Variants in SHC4 observed in about 807,000 individuals in gnomAD.
SHC4 encodes SHC-transforming protein 4.
In SHC4, 41 loss-of-function variants were observed where a neutral mutation model predicts 69.4. The observed-to-expected ratio is 0.59, with a 90% CI of 0.46 to 0.77. The LOEUF (loss-of-function observed/expected upper bound fraction) is 0.77. Among genes scored for constraint, SHC4 ranks in the 30% least tolerant of loss-of-function variants. The probability of loss-of-function intolerance (pLI) is 0.00; values close to 1 mark genes in which losing one functional copy is unlikely to be tolerated. For missense variants in SHC4, 777 were observed against 783.8 expected (o/e 0.99, Z 0.10); for synonymous variants, 318 against 299.3 (o/e 1.06, Z -0.64).
chr15:48,886,070 A>G (rs1900030408), intron 3 of SHC4, among the ~76,000 whole-genome samples: 1 of 152,144 alleles, frequency 6.6e-6, no homozygotes, highest in Non-Finnish European at 1.5e-5. Context: ...CAGCGTGACC[A>G]ACATGGTGAA....
chr15:48,919,829 C>T (rs543983158), intron 2 of SHC4, among the ~76,000 whole-genome samples: 2 of 152,188 alleles, frequency 1.3e-5, no homozygotes, highest in South Asian at 4.2e-4. Context: ...CACAATCAGC[C>T]ATGCCTGAAT....
At chr15:48,867,249 A>G (rs552924553) in intron 6 of SHC4, among the ~76,000 whole-genome samples, 1 of 152,236 alleles carries the variant, frequency 6.6e-6, no homozygotes, top group East Asian at 1.9e-4. Context: ...AGAAATGTGG[A>G]GTGTTAATGA....
chr15:48,848,002 AAAAAAAAAAAAAAAAC>A (rs1183795867), intron 9 of SHC4, among the ~76,000 whole-genome samples: 2 of 98,660 alleles, frequency 2.0e-5, no homozygotes, highest in African/African-American at 7.6e-5. Flanking sequence ...AACTCCGTCT[AAAAAAAAAAAAAAAAC>A]AAAAAAAACA....
intron 2 of SHC4, among the ~76,000 whole-genome samples, chr15:48,922,675 C>T (rs1236394959): frequency 6.6e-6 from 1 of 152,196 alleles, no homozygotes; most frequent in African/African-American, 2.4e-5. Flanking sequence ...GTTGAGGGGA[C>T]ATATTCAGAC....
At chr15:48,835,511 C>G (rs1028069755) in intron 10 of SHC4, among the ~76,000 whole-genome samples, 2 of 152,218 alleles carry the variant, frequency 1.3e-5, no homozygotes, top group Non-Finnish European at 2.9e-5. Flanking sequence ...TAGTGTGTGT[C>G]TAGTCATTCT....
At chr15:48,843,387 C>T (rs1452709014) in intron 10 of SHC4, 22 bp downstream of exon 10, 3 of 1,584,514 alleles carry the variant, frequency 1.9e-6, no homozygotes, top group African/African-American at 2.7e-5. Flanking sequence ...GAAATGAATA[C>T]AGACAGTGAG....
chr15:48,887,317 C>T (rs1267560364), intron 3 of SHC4, among the ~76,000 whole-genome samples: 2 of 152,182 alleles, frequency 1.3e-5, no homozygotes, highest in Non-Finnish European at 2.9e-5. Context: ...ATGCTGGAGC[C>T]TGCCTGGGCT....
At position 48,963,179 on chromosome 15, in the gene SHC4, G is replaced by C. The variant is rs1177883078; in HGVS notation, c.-164C>G. The C allele has an allele frequency of 1.5e-6, 1 of 678,984 alleles. No homozygotes were observed. Among genetic ancestry groups the C allele is most frequent in the African/African-American group, 1.8e-5 (1 of 55,404 alleles). The allele number at this position is 678,984 out of a possible 1,614,324, so 42.1% of individuals were successfully genotyped here. A position where few individuals can be genotyped will look rare whatever the true frequency, so the allele number is the denominator to read the frequency against. ...CCACCTCGGCTCCCGGCCCCTTAAG[G>C]GTGACAGCCCATGGGGGAAACGCCT... On this transcript the variant is annotated 5_prime_UTR_variant, in exon 1 of 12. Coordinates refer to ENST00000332408, the MANE Select transcript of SHC4 (RefSeq NM_203349.4).
intron 2 of SHC4, among the ~76,000 whole-genome samples, chr15:48,915,237 AGAC>A (rs1323197678): frequency 1.3e-5 from 2 of 152,374 alleles, no homozygotes; most frequent in East Asian, 3.9e-4. Flanking sequence ...GCTGTGTGAA[AGAC>A]ATTGTGCTAA....
chr15:48,860,930 A>C (rs1731322426), intron 6 of SHC4, among the ~76,000 whole-genome samples: 1 of 152,238 alleles, frequency 6.6e-6, no homozygotes, highest in Non-Finnish European at 1.5e-5. Context: ...TCTGAGGAAC[A>C]GGGCGGCATG....
At chr15:48,907,743 TC>T (rs1900431636) in intron 2 of SHC4, among the ~76,000 whole-genome samples, 1 of 151,610 alleles carries the variant, frequency 6.6e-6, no homozygotes, top group Admixed American at 6.6e-5. Flanking sequence ...GTTAATTCAT[TC>T]CTTTTTATGA....
At chr15:48,906,787 G>C (rs1900413095) in intron 2 of SHC4, among the ~76,000 whole-genome samples, 1 of 151,866 alleles carries the variant, frequency 6.6e-6, no homozygotes, top group Non-Finnish European at 1.5e-5. Context: ...TCCCTTTTTT[G>C]CTTAAGCTAG....
intron 9 of SHC4, 39 bp from the exon 10 acceptor site, chr15:48,843,627 CT>C (rs1899034180): frequency 1.1e-5 from 17 of 1,550,760 alleles, no homozygotes; most frequent in African/African-American, 1.4e-5. Context: ...TATGTTTTTT[CT>C]TTGTAAATAG....
chr15:48,850,853 C>A (rs12906456), intron 9 of SHC4, among the ~76,000 whole-genome samples: 30,840 of 152,092 alleles, frequency 0.2, 3,586 homozygotes, highest in Non-Finnish European at 0.27. Flanking sequence ...TTAGCTTACT[C>A]CTGATCTTCT....
intron 10 of SHC4, among the ~76,000 whole-genome samples, chr15:48,842,042 T>C (rs573820914): frequency 2.6e-5 from 4 of 152,346 alleles, no homozygotes; most frequent in African/African-American, 7.2e-5. Flanking sequence ...CTCTCCATCA[T>C]TGGAGCAAAC....
chr15:48,925,758 C>T lies in SHC4; in HGVS notation c.586-809G>A, dbSNP rs534227825. 3.9e-5 allele frequency among the ~76,000 whole-genome samples: 6 copies of T among 152,128 alleles called. No homozygotes were observed. In the South Asian group the frequency reaches 1.2e-3, roughly 32 times the overall value. On this transcript the variant is annotated intron_variant, in intron 1 of 11. Coordinates refer to ENST00000332408, the MANE Select transcript of SHC4 (RefSeq NM_203349.4). The stretch of plus-strand genomic sequence containing the variant: ...CTGTGTTGGAGGAGGCTTAAGTCAG[C>T]GGCAGTATGAAGGTGGGTTAATGGT...
chr15:48,858,716 T>C (rs192764889), intron 6 of SHC4, among the ~76,000 whole-genome samples: 11 of 152,306 alleles, frequency 7.2e-5, no homozygotes, highest in Admixed American at 3.9e-4. Context: ...AGTTTCCTAA[T>C]GGTGACCTAG....
intron 2 of SHC4, among the ~76,000 whole-genome samples, chr15:48,913,269 G>A (rs1480639509): frequency 2.6e-5 from 4 of 152,030 alleles, no homozygotes; most frequent in Non-Finnish European, 5.9e-5. Flanking sequence ...AGGTCTTGAT[G>A]TGGCTGCTGT....
At chr15:48,861,876 C>G (rs1414871501) in intron 6 of SHC4, among the ~76,000 whole-genome samples, 1 of 152,214 alleles carries the variant, frequency 6.6e-6, no homozygotes, top group Non-Finnish European at 1.5e-5. Flanking sequence ...ACAACTATTA[C>G]TAAAGGATAA....
Sources: gnomAD v4.1 joint callset for allele counts (sites outside exome capture counted in the v4.1 genomes callset) on GRCh38, gnomAD v4.1.1 for gene constraint, MANE v1.5 for transcripts, NCBI Gene and HGNC (gene_info 2026-07-23, HGNC 2026-07-21) for gene names.